Variants in CNTNAP2 observed in about 807,000 individuals in gnomAD.
CNTNAP2 encodes contactin associated protein 2, also known as contactin-associated protein-like 2.
Under a neutral mutation model 155.2 loss-of-function variants are expected in CNTNAP2, and 98 were observed. That is an observed-to-expected ratio of 0.63 (90% CI 0.54 to 0.75). The LOEUF is 0.75. Among genes scored for constraint, CNTNAP2 ranks in the 30% least tolerant of loss-of-function variants. CNTNAP2 has a pLI of 0.00. For missense variants in CNTNAP2, 1,727 were observed against 1,688.1 expected, an observed-to-expected ratio of 1.02 and a Z score of -0.40; for synonymous variants, 651 against 631.2, an observed-to-expected ratio of 1.03 and a Z score of -0.47.
intron 3 of CNTNAP2, among the ~76,000 whole-genome samples, chr7:146,984,093 C>T (rs1221633291): frequency 6.6e-6 from 1 of 151,994 alleles, no homozygotes; most frequent in East Asian, 1.9e-4. Context: ...TCTGGCCAGG[C>T]GCGGTGGCTC....
At chr7:147,446,300 A>G (rs996015889) in intron 10 of CNTNAP2, among the ~76,000 whole-genome samples, 1 of 151,002 alleles carries the variant, frequency 6.6e-6, no homozygotes, top group Non-Finnish European at 1.5e-5. Flanking sequence ...AATTCCACTT[A>G]TGCCATTGCT....
intron 3 of CNTNAP2, among the ~76,000 whole-genome samples, chr7:146,905,170 T>A (rs1796092772): frequency 6.6e-6 from 1 of 151,618 alleles, no homozygotes; most frequent in African/African-American, 2.4e-5. Context: ...CAAAAATGTC[T>A]CCTGAACTTA....
chr7:146,327,818 G>C (rs1040921432), intron 1 of CNTNAP2, among the ~76,000 whole-genome samples: 3 of 152,164 alleles, frequency 2.0e-5, no homozygotes, highest in African/African-American at 7.2e-5. Flanking sequence ...AATTGGGCAG[G>C]ACCTAAGATT....
intron 12 of CNTNAP2, among the ~76,000 whole-genome samples, chr7:147,632,050 C>T (rs78968997): frequency 6.6e-6 from 1 of 152,164 alleles, no homozygotes; most frequent in Admixed American, 6.5e-5. Context: ...AGACAACCCA[C>T]AGTGGGAGAA....
At chr7:148,101,144 GA>G (rs1387406964) in intron 15 of CNTNAP2, among the ~76,000 whole-genome samples, 3 of 116,278 alleles carry the variant, frequency 2.6e-5, no homozygotes, top group Non-Finnish European at 5.3e-5. Flanking sequence ...GGGGTGGGGG[GA>G]GGGGGGAGGG....
At chr7:146,507,165 A>T (rs972933418) in intron 1 of CNTNAP2, among the ~76,000 whole-genome samples, 5 of 152,136 alleles carry the variant, frequency 3.3e-5, no homozygotes, top group African/African-American at 1.2e-4. Context: ...CCACACAATG[A>T]CTGTAGCCCT....
chr7:146,933,040 C>A (rs1050383461), intron 3 of CNTNAP2, among the ~76,000 whole-genome samples: 2 of 152,056 alleles, frequency 1.3e-5, no homozygotes, highest in African/African-American at 2.4e-5. Flanking sequence ...TCAATGCCAT[C>A]CCCATCAAGC....
chr7:146,345,699 C>T lies in CNTNAP2; in HGVS notation c.97+228726C>T, dbSNP rs1794809451. On this transcript the variant is annotated intron_variant, in intron 1 of 23. Transcript: ENST00000361727. ...ATTTTAAACATCATAATTTTTACCA[C>T]CAGAATGTTACAAAAAATGTCTGCT... Among the ~76,000 whole-genome samples the T allele has an allele frequency of 2.0e-5, 3 of 152,230 alleles. No individual in the cohort carries two copies. The South Asian group carries it at 6.2e-4, about 32-fold the overall frequency.
chr7:146,768,271 C>T (rs1802232801), intron 1 of CNTNAP2, among the ~76,000 whole-genome samples: 1 of 151,422 alleles, frequency 6.6e-6, no homozygotes, highest in Non-Finnish European at 1.5e-5. Context: ...ACGAAAAGCT[C>T]TTCTATGGCT....
chr7:148,386,644 CAGACGTAGA>C (rs1799202652), intron 22 of CNTNAP2, among the ~76,000 whole-genome samples: 1 of 152,236 alleles, frequency 6.6e-6, no homozygotes, highest in Admixed American at 6.5e-5. Context: ...GGGCAGAGGA[CAGACGTAGA>C]AATGAGGGAA....
intron 13 of CNTNAP2, among the ~76,000 whole-genome samples, chr7:147,821,241 G>A (rs1461018755): frequency 6.6e-6 from 1 of 152,102 alleles, no homozygotes; most frequent in Non-Finnish European, 1.5e-5. Flanking sequence ...AGTGATATAG[G>A]AAATGTATTC....
chr7:147,850,966 A>G (rs1339655620), intron 13 of CNTNAP2, among the ~76,000 whole-genome samples: 1 of 152,226 alleles, frequency 6.6e-6, no homozygotes, highest in Non-Finnish European at 1.5e-5. Context: ...AAAAGAAACT[A>G]CCAGCAGAGT....
chr7:147,271,874 T>C (rs568153373), intron 8 of CNTNAP2, among the ~76,000 whole-genome samples: 2 of 152,302 alleles, frequency 1.3e-5, no homozygotes, highest in South Asian at 4.1e-4. Context: ...TTCAAATCTC[T>C]AGTAATTTGA....
At chr7:147,132,138 C>A in intron 7 of CNTNAP2, 107 bp from the exon 8 acceptor site, 2 of 1,425,612 alleles carry the variant, frequency 1.4e-6, no homozygotes, top group Non-Finnish European at 9.8e-7. Flanking sequence ...TTAGCTTAGG[C>A]TCAGGCTGTG....
chr7:146,800,095 C>A (rs1176847847), intron 2 of CNTNAP2, among the ~76,000 whole-genome samples: 1 of 152,046 alleles, frequency 6.6e-6, no homozygotes, highest in Non-Finnish European at 1.5e-5. Flanking sequence ...ATGATATATT[C>A]TTTTGTAATA....
In CNTNAP2 at chr7:147,944,313, G is replaced by A. The variant is rs1368785535; in HGVS notation, c.2256-33549G>A. 3.9e-5 allele frequency among the ~76,000 whole-genome samples: 6 copies of A among 152,030 alleles called. No homozygotes were observed. The South Asian group carries it at 1.0e-3, about 26-fold the overall frequency. On this transcript the variant is annotated intron_variant, in intron 14 of 23. Transcript: ENST00000361727. The stretch of plus-strand genomic sequence containing the variant: ...TGTACATTCATGTTAAATAAATACC[G>A]TCTTTTAAAACATAAATAGCATGGT...
At chr7:147,701,549 G>A (rs764289211) in intron 13 of CNTNAP2, among the ~76,000 whole-genome samples, 16 of 152,072 alleles carry the variant, frequency 1.1e-4, no homozygotes, top group Non-Finnish European at 2.1e-4. Flanking sequence ...GTGAAGATCA[G>A]GCGAGAAATT....
At chr7:147,550,991 A>T (rs2116764589) in intron 11 of CNTNAP2, among the ~76,000 whole-genome samples, 1 of 152,318 alleles carries the variant, frequency 6.6e-6, no homozygotes, top group Non-Finnish European at 1.5e-5. Flanking sequence ...TTAAATATTC[A>T]GTGAGCTTTC....
intron 1 of CNTNAP2, among the ~76,000 whole-genome samples, chr7:146,355,624 A>T (rs1584885835): frequency 2.0e-5 from 3 of 152,172 alleles, no homozygotes; most frequent in African/African-American, 7.2e-5. Flanking sequence ...TAATGCAGGG[A>T]TGTTCTACTT....
Sources: gnomAD v4.1 joint callset for allele counts (sites outside exome capture counted in the v4.1 genomes callset) on GRCh38, gnomAD v4.1.1 for gene constraint, MANE v1.5 for transcripts, NCBI Gene and HGNC (gene_info 2026-07-23, HGNC 2026-07-21) for gene names.